SEPTIN9: variants seen among roughly 807,000 people sequenced by gnomAD.
The protein encoded by SEPTIN9 is septin 9.
A neutral mutation model predicts 56.6 loss-of-function variants in SEPTIN9; 13 were observed. That is an observed-to-expected ratio of 0.23 (90% CI 0.15 to 0.37). The LOEUF (loss-of-function observed/expected upper bound fraction) is 0.37, where lower values mean the gene tolerates loss of function less well. Ranked by LOEUF, SEPTIN9 falls within the 10% of genes least tolerant of loss-of-function variation. SEPTIN9 has a pLI of 1.00. For synonymous variants in SEPTIN9, 332 were observed against 334.1 expected (o/e 0.99, Z 0.07); for missense variants, 650 against 823.1 (o/e 0.79, Z 2.57).
intron 1 of SEPTIN9, among the ~76,000 whole-genome samples, chr17:77,294,175 G>A (rs2031700332): frequency 6.6e-6 from 1 of 151,564 alleles, no homozygotes; most frequent in Non-Finnish European, 1.5e-5. Flanking sequence ...TTCCAGCACT[G>A]TGGGAGGTTG....
chr17:77,475,415 C>A lies in SEPTIN9; in HGVS notation c.722-6729C>A. The A allele has an allele frequency of 6.8e-7, 1 of 1,476,716 alleles. No homozygotes were observed. 91.5% of individuals were successfully genotyped at this position (1,476,716 alleles called of 1,614,324 possible). On this transcript the variant is annotated intron_variant, in intron 3 of 11. Transcript: ENST00000427177. This position sits in a 1 kb window ranked among gnomAD's most constrained non-coding sequence, Gnocchi z 4.6. ...AGGAGGGAGCAGCCCTGGCCGGACACTGTCCTCCTAGCATTGCCTGCATCA... is the reference window on the plus strand; with the variant it reads ...AGGAGGGAGCAGCCCTGGCCGGACAATGTCCTCCTAGCATTGCCTGCATCA...
intron 1 of SEPTIN9, among the ~76,000 whole-genome samples, chr17:77,287,737 G>C (rs1210304866): frequency 6.6e-6 from 1 of 152,212 alleles, no homozygotes; most frequent in Non-Finnish European, 1.5e-5. Flanking sequence ...GGCACTGCTT[G>C]CCAATGGCCT....
In SEPTIN9 at chr17:77,492,008, C is replaced by T. The variant is rs1263494108; in HGVS notation, c.1381-613C>T. On this transcript the variant is annotated intron_variant, in intron 8 of 11. Transcript: ENST00000427177. This position sits in a 1 kb window ranked among gnomAD's most constrained non-coding sequence, Gnocchi z 5.4. ...AAACCGAGGTGCCTGGGCTGCGGCA[C>T]CACATCTGCCTCGGTGGGTGTGGGT... Among the ~76,000 whole-genome samples, 2 of 151,994 alleles carry T rather than the reference C, an allele frequency of 1.3e-5. No homozygotes were observed. The highest frequency in any genetic ancestry group is 1.3e-4 in the Admixed American group (2 of 15,270).
chr17:77,361,157 A>C (rs765005668), intron 2 of SEPTIN9, among the ~76,000 whole-genome samples: 7 of 152,078 alleles, frequency 4.6e-5, no homozygotes, highest in Admixed American at 4.6e-4. Flanking sequence ...CTCCTTACCT[A>C]AGGTGATCCA....
Position 77,317,457 on chromosome 17 carries a change from T to C in SEPTIN9, c.76+10260T>C, listed in dbSNP as rs1410682383. Among the ~76,000 whole-genome samples the C allele has an allele frequency of 6.6e-6, 1 of 152,188 alleles. No individual in the cohort carries two copies. The highest frequency in any genetic ancestry group is 1.9e-4 in the East Asian group (1 of 5,190). ...TGTCTGATCAGCCATGGCATTGGAT[T>C]CTTATAGGAGAGTGAACCGTATTGT... is the stretch of plus-strand genomic sequence containing the variant. On this transcript the variant is annotated intron_variant, in intron 2 of 11. Coordinates refer to ENST00000427177, the MANE Select transcript of SEPTIN9 (RefSeq NM_001113491.2). This position sits in a 1 kb window ranked among gnomAD's most constrained non-coding sequence, Gnocchi z 4.2.
Position 77,421,683 on chromosome 17 carries a change from A to G in SEPTIN9, c.721+18980A>G, listed in dbSNP as rs1012329797. Among the ~76,000 whole-genome samples, 5 of 152,066 alleles carry G rather than the reference A, an allele frequency of 3.3e-5. No homozygotes were observed. The highest frequency in any genetic ancestry group is 5.9e-5 in the Non-Finnish European group (4 of 68,022). ...AACTGGAGTGGCTCCTCCACGGTGGATTGGGCTGAGCTCTCTGCCTCGGCC... is the reference window on the plus strand; with the variant it reads ...AACTGGAGTGGCTCCTCCACGGTGGGTTGGGCTGAGCTCTCTGCCTCGGCC... On this transcript the variant is annotated intron_variant, in intron 3 of 11. Coordinates refer to ENST00000427177, the MANE Select transcript of SEPTIN9 (RefSeq NM_001113491.2). The surrounding 1 kb of genome is among the most constrained non-coding windows in gnomAD (Gnocchi z 4.6).
intron 2 of SEPTIN9, chr17:77,373,130 A>T (rs1312109214): frequency 2.1e-6 from 2 of 936,906 alleles, no homozygotes; most frequent in Non-Finnish European, 2.6e-6. Context: ...GGCGGGGAGG[A>T]GGGGGGCGCT....
intron 1 of SEPTIN9, among the ~76,000 whole-genome samples, chr17:77,296,042 T>C (rs1367671471): frequency 6.6e-6 from 1 of 152,046 alleles, no homozygotes; most frequent in Admixed American, 6.6e-5. Flanking sequence ...TCTAATAGGA[T>C]TGATGTCCTT....
At chr17:77,388,546 T>C (rs2035419077) in intron 2 of SEPTIN9, among the ~76,000 whole-genome samples, 1 of 152,188 alleles carries the variant, frequency 6.6e-6, no homozygotes. Flanking sequence ...CAGCCCAGCT[T>C]GGCGCGCTTT....
rs73373311 is a variant in SEPTIN9, at chr17:77,382,471, G to A, written c.77-19588G>A. On this transcript the variant is annotated intron_variant, in intron 2 of 11. Coordinates refer to ENST00000427177, the MANE Select transcript of SEPTIN9 (RefSeq NM_001113491.2). ...AGGTCATGGCATGAGACAGGCTCCC[G>A]CAGCCAAGCGGGGTGCACCGCAGCA... Among the ~76,000 whole-genome samples, 892 of 152,316 alleles carry A rather than the reference G, an allele frequency of 5.9e-3. 12 individuals are homozygous for A. Among genetic ancestry groups the A allele is most frequent in the African/African-American group, 0.02 (851 of 41,560 alleles).
intron 3 of SEPTIN9, among the ~76,000 whole-genome samples, chr17:77,477,345 G>A (rs564016312): frequency 2.6e-5 from 4 of 152,208 alleles, no homozygotes; most frequent in South Asian, 4.1e-4. Flanking sequence ...ACCAATCTGC[G>A]CTTTGTCCCT....
chr17:77,464,661 C>T (rs566229675), intron 3 of SEPTIN9, among the ~76,000 whole-genome samples: 4 of 150,838 alleles, frequency 2.7e-5, no homozygotes, highest in Middle Eastern at 3.4e-3. Context: ...AGTGCAGTGG[C>T]GCGATCTTGG....
chr17:77,490,937 C>G (rs2039999754), intron 8 of SEPTIN9, 78 bp downstream of exon 8: 1 of 1,119,998 alleles, frequency 8.9e-7, no homozygotes, highest in Non-Finnish European at 1.3e-6. Context: ...GCCACCCCGT[C>G]TAAAGGAGTC....
At chr17:77,478,089 G>T (rs772048588) in intron 3 of SEPTIN9, among the ~76,000 whole-genome samples, 5 of 151,932 alleles carry the variant, frequency 3.3e-5, no homozygotes, top group Non-Finnish European at 5.9e-5. Flanking sequence ...TTCAGTGAGG[G>T]TCTTGTGCTG....
chr17:77,307,851 G>A (rs1317758422), intron 2 of SEPTIN9, among the ~76,000 whole-genome samples: 1 of 152,200 alleles, frequency 6.6e-6, no homozygotes, highest in Non-Finnish European at 1.5e-5. Context: ...CCTGGGCAAG[G>A]GAGTGGGACA....
At chr17:77,361,896 T>G (rs996942837) in intron 2 of SEPTIN9, among the ~76,000 whole-genome samples, 1 of 151,706 alleles carries the variant, frequency 6.6e-6, no homozygotes, top group African/African-American at 2.4e-5. Flanking sequence ...CCTCCCAAAG[T>G]GCTGGGATTA....
chr17:77,319,740 G>A lies in SEPTIN9; in HGVS notation c.76+12543G>A, dbSNP rs1311208193. 11 of 1,071,294 alleles carry A rather than the reference G, an allele frequency of 1.0e-5. No individual in the cohort carries two copies. The highest frequency in any genetic ancestry group is 8.6e-5 in the South Asian group (2 of 23,264). 66.4% of individuals were successfully genotyped at this position (1,071,294 alleles called of 1,614,324 possible). ...GGCTTTTTAAACCCTTAAGCCCAAGGAAATCGTAGCATCGCGGGACAGGGA... is the reference window on the plus strand; with the variant it reads ...GGCTTTTTAAACCCTTAAGCCCAAGAAAATCGTAGCATCGCGGGACAGGGA... On this transcript the variant is annotated intron_variant, in intron 2 of 11. Coordinates refer to ENST00000427177, the MANE Select transcript of SEPTIN9 (RefSeq NM_001113491.2). This position sits in a 1 kb window ranked among gnomAD's most constrained non-coding sequence, Gnocchi z 5.3.
intron 1 of SEPTIN9, among the ~76,000 whole-genome samples, chr17:77,292,950 A>G (rs1197504535): frequency 6.6e-6 from 1 of 152,096 alleles, no homozygotes; most frequent in Non-Finnish European, 1.5e-5. Context: ...TTCATAGGGT[A>G]TGTAATGGGG....
At chr17:77,361,233 C>A (rs2034408059) in intron 2 of SEPTIN9, among the ~76,000 whole-genome samples, 1 of 152,166 alleles carries the variant, frequency 6.6e-6, no homozygotes, top group Non-Finnish European at 1.5e-5. Flanking sequence ...CTCTTTCGTT[C>A]TTTCTTAATG....
Sources: gnomAD v4.1 joint callset for allele counts (sites outside exome capture counted in the v4.1 genomes callset) on GRCh38, gnomAD v4.1.1 for gene constraint, Gnocchi (gnomAD v3.1) non-coding constraint, MANE v1.5 for transcripts, NCBI Gene and HGNC (gene_info 2026-07-23, HGNC 2026-07-21) for gene names.